Variants in PPME1 observed in about 807,000 individuals in gnomAD.
PPME1 encodes testicular secretory protein Li 39.
In PPME1, 17 loss-of-function variants were observed where a neutral mutation model predicts 56.9. The observed-to-expected ratio is 0.30, with a 90% CI of 0.20 to 0.45. The LOEUF is 0.45. Among genes scored for constraint, PPME1 ranks in the 20% least tolerant of loss-of-function variants. PPME1 has a pLI of 1.00. For synonymous variants in PPME1, 122 were observed against 156.2 expected (o/e 0.78, Z 1.63); for missense variants, 357 against 483.2 (o/e 0.74, Z 2.45).
chr11:74,203,688 C>A, intron 1 of PPME1, 40 bp from the exon 2 acceptor site: 1 of 1,486,240 alleles, frequency 6.7e-7, no homozygotes, highest in South Asian at 1.2e-5. Flanking sequence ...TCTCTTTATG[C>A]ATAATTTTTC....
intron 8 of PPME1, among the ~76,000 whole-genome samples, chr11:74,236,365 G>C (rs1302466076): frequency 6.6e-6 from 1 of 152,200 alleles, no homozygotes; most frequent in Non-Finnish European, 1.5e-5. Context: ...GGCATAGCCT[G>C]AGTGAAAGCC....
chr11:74,239,017 A>G, intron 8 of PPME1, 116 bp from the exon 9 acceptor site: 2 of 1,013,568 alleles, frequency 2.0e-6, no homozygotes, highest in South Asian at 3.5e-5. Flanking sequence ...TCCTACCAGG[A>G]TGATTGTTAA....
chr11:74,193,551 G>A (rs905059425), intron 1 of PPME1, among the ~76,000 whole-genome samples: 10 of 152,050 alleles, frequency 6.6e-5, no homozygotes, highest in African/African-American at 1.4e-4. Flanking sequence ...CAACCTGTAC[G>A]GCCTCTTCAA....
intron 1 of PPME1, among the ~76,000 whole-genome samples, chr11:74,192,786 C>T (rs1857876382): frequency 6.6e-6 from 1 of 152,136 alleles, no homozygotes; most frequent in South Asian, 2.1e-4. Flanking sequence ...CACAGATGCT[C>T]CCACTTCACC....
At chr11:74,180,351 T>C (rs7129659) in intron 1 of PPME1, among the ~76,000 whole-genome samples, 19,953 of 152,136 alleles carry the variant, frequency 0.13, 3,588 homozygotes, top group African/African-American at 0.41. Context: ...TTGCTGGTGC[T>C]TAGAATGCTG....
At chr11:74,216,431 T>G (rs1858646324) in intron 3 of PPME1, among the ~76,000 whole-genome samples, 1 of 152,222 alleles carries the variant, frequency 6.6e-6, no homozygotes, top group African/African-American at 2.4e-5. Flanking sequence ...ATTTTAAAAT[T>G]TCTTGCAACA....
chr11:74,199,528 TC>T (rs1233029421), intron 1 of PPME1, among the ~76,000 whole-genome samples: 3 of 152,162 alleles, frequency 2.0e-5, no homozygotes, highest in Non-Finnish European at 4.4e-5. Flanking sequence ...CAGTGGCTAT[TC>T]ACGAGTGTGA....
At chr11:74,209,796 T>G (rs141938325) in intron 3 of PPME1, among the ~76,000 whole-genome samples, 41 of 152,330 alleles carry the variant, frequency 2.7e-4, no homozygotes, top group African/African-American at 9.9e-4. Context: ...AAAAAACTAC[T>G]TAGGATAATA....
chr11:74,218,590 A>G (rs928791584), intron 3 of PPME1, among the ~76,000 whole-genome samples: 14 of 152,206 alleles, frequency 9.2e-5, no homozygotes, highest in African/African-American at 3.1e-4. Context: ...ACCCAGAAAC[A>G]AATCCATACA....
intron 11 of PPME1, chr11:74,247,804 T>G (rs1458456962): frequency 6.6e-6 from 1 of 152,608 alleles, no homozygotes; most frequent in East Asian, 1.9e-4. Flanking sequence ...TTCTTATTGT[T>G]AGAAGTTTTA....
chr11:74,226,923 A>C (rs1858945772), intron 5 of PPME1, among the ~76,000 whole-genome samples: 1 of 152,224 alleles, frequency 6.6e-6, no homozygotes, highest in Admixed American at 6.5e-5. Context: ...CCTTGGGCTG[A>C]GGGAGTACAC....
chr11:74,190,048 CA>C (rs1428995164), intron 1 of PPME1, among the ~76,000 whole-genome samples: 1 of 152,158 alleles, frequency 6.6e-6, no homozygotes, highest in East Asian at 1.9e-4. Context: ...CAAGTCAAAA[CA>C]GAGCAAGAAA....
chr11:74,179,073 A>G (rs1159903001), intron 1 of PPME1, among the ~76,000 whole-genome samples: 1 of 152,254 alleles, frequency 6.6e-6, no homozygotes, highest in Non-Finnish European at 1.5e-5. Context: ...AATTCCAATC[A>G]TTTCAAACCA....
At position 74,230,302 on chromosome 11, in the gene PPME1, G is replaced by A; in HGVS notation, c.456G>A (p.Leu152=). The part of the protein sequence containing the change: ...MYGDLPPPIM[L]IGHSMGGAIA... ...GGGACCTTCCTCCTCCAATTATGCT[G>A]ATTGGACATAGCATGGGTGGTGCTA... Residue 152 remains leucine, a synonymous_variant, in exon 6 of 14, where the codon CTG becomes CTA. Coordinates refer to ENST00000328257, the MANE Select transcript of PPME1 (RefSeq NM_016147.3). This position sits in a 1 kb window ranked among gnomAD's most constrained non-coding sequence, Gnocchi z 4.9. The A allele has an allele frequency of 6.2e-7, 1 of 1,613,536 alleles. No individual in the cohort carries two copies. The highest frequency in any genetic ancestry group is 8.5e-7 in the Non-Finnish European group (1 of 1,179,584).
chr11:74,233,639 C>G (rs910020140), intron 7 of PPME1, among the ~76,000 whole-genome samples: 5 of 151,914 alleles, frequency 3.3e-5, no homozygotes, highest in African/African-American at 4.8e-5. Flanking sequence ...ATAGCGAGAC[C>G]CTGTCTCTAC....
At chr11:74,251,448 A>G (rs896037894) in intron 12 of PPME1, 200 bp from the exon 13 acceptor site, 4 of 1,421,584 alleles carry the variant, frequency 2.8e-6, no homozygotes, top group Non-Finnish European at 3.7e-6. Flanking sequence ...AGCTCTATGG[A>G]GCTATCCCTG....
chr11:74,215,210 G>A (rs1470922873), intron 3 of PPME1, among the ~76,000 whole-genome samples: 1 of 152,100 alleles, frequency 6.6e-6, no homozygotes, highest in Non-Finnish European at 1.5e-5. Context: ...GTGTAGTGGT[G>A]TGTGCCTGTA....
chr11:74,196,605 C>T (rs1857987727), intron 1 of PPME1, among the ~76,000 whole-genome samples: 1 of 152,062 alleles, frequency 6.6e-6, no homozygotes, highest in Non-Finnish European at 1.5e-5. Flanking sequence ...AGAAAGAATT[C>T]AGGGCGAGTC....
intron 3 of PPME1, among the ~76,000 whole-genome samples, chr11:74,219,903 G>GTA (rs1440410982): frequency 1.3e-5 from 2 of 152,050 alleles, no homozygotes; most frequent in African/African-American, 4.8e-5. Context: ...AGCTAAAAGG[G>GTA]TATAGTTAGA....
Sources: allele counts gnomAD v4.1 joint callset (sites outside exome capture counted in the v4.1 genomes callset), GRCh38; gene constraint gnomAD v4.1.1; non-coding constraint Gnocchi (gnomAD v3.1); transcripts MANE v1.5; gene names NCBI Gene and HGNC (gene_info 2026-07-23, HGNC 2026-07-21).